CADM2: variants seen among roughly 807,000 people sequenced by gnomAD.
CADM2 encodes the protein immunoglobulin superfamily member 4D.
CADM2 carries 12 observed loss-of-function variants against 49.8 expected under a neutral mutation model. That is an observed-to-expected ratio of 0.24 (90% CI 0.15 to 0.39). The LOEUF (loss-of-function observed/expected upper bound fraction) is 0.39. CADM2 is among the 10% of genes least tolerant of loss of function. The pLI is 1.00. For missense variants in CADM2, 378 were observed against 492.3 expected, an observed-to-expected ratio of 0.77 and a Z score of 2.20; for synonymous variants, 214 against 175.4, an observed-to-expected ratio of 1.22 and a Z score of -1.74.
chr3:85,163,651 A>G (rs946236510), intron 1 of CADM2, among the ~76,000 whole-genome samples: 1 of 152,230 alleles, frequency 6.6e-6, no homozygotes, highest in East Asian at 1.9e-4. Context: ...GTGTTAAAAC[A>G]TAAAGACTAT....
intron 3 of CADM2, among the ~76,000 whole-genome samples, chr3:85,807,018 G>T (rs892216165): frequency 6.6e-6 from 1 of 152,160 alleles, no homozygotes; most frequent in African/African-American, 2.4e-5. Flanking sequence ...CTAATGTCTG[G>T]TAGTGAAGAA....
intron 1 of CADM2, among the ~76,000 whole-genome samples, chr3:85,075,071 G>GA (rs1042672221): frequency 7.2e-5 from 11 of 151,958 alleles, no homozygotes; most frequent in Non-Finnish European, 1.5e-4. Flanking sequence ...TAAAGGAGGG[G>GA]AAAAAAGAAC....
chr3:86,023,072 C>T (rs1036837990), intron 8 of CADM2, among the ~76,000 whole-genome samples: 2 of 152,130 alleles, frequency 1.3e-5, no homozygotes, highest in African/African-American at 4.8e-5. Flanking sequence ...TCATTTTACC[C>T]AGTCCCCCTT....
rs2064764807 is a variant in CADM2 at position 85,642,904 on chromosome 3, C to T, written c.62-83618C>T. Among the ~76,000 whole-genome samples, 3 of 152,282 alleles carry T rather than the reference C, an allele frequency of 2.0e-5. No individual in the cohort carries two copies. In the South Asian group the frequency reaches 6.2e-4, roughly 32 times the overall value. The stretch of plus-strand genomic sequence containing the variant: ...TTTTTCCCTGAAATTAAAACCAACT[C>T]ATCTGCCTCACATTCTTTTTCACAG... On this transcript the variant is annotated intron_variant, in intron 1 of 9. Coordinates refer to ENST00000383699, the MANE Select transcript of CADM2 (RefSeq NM_001167675.2).
chr3:85,075,841 G>A (rs368806447), intron 1 of CADM2, among the ~76,000 whole-genome samples: 8 of 152,090 alleles, frequency 5.3e-5, no homozygotes, highest in East Asian at 1.9e-4. Flanking sequence ...ATTAAAATTC[G>A]TTACATTCTT....
intron 1 of CADM2, among the ~76,000 whole-genome samples, chr3:85,040,024 A>T (rs1006092863): frequency 1.3e-4 from 20 of 152,202 alleles, no homozygotes; most frequent in Admixed American, 1.2e-3. Context: ...AGTTCATTGA[A>T]GGTAAAATTC....
intron 1 of CADM2, among the ~76,000 whole-genome samples, chr3:85,220,759 G>T (rs1393851974): frequency 6.6e-6 from 1 of 151,996 alleles, no homozygotes; most frequent in Admixed American, 6.6e-5. Flanking sequence ...TAGGAGAAAT[G>T]ATCAGGGTTA....
chr3:85,544,268 T>G (rs2061612130), intron 1 of CADM2, among the ~76,000 whole-genome samples: 1 of 152,136 alleles, frequency 6.6e-6, no homozygotes, highest in African/African-American at 2.4e-5. Context: ...CTAGCTTAAA[T>G]AAATTACAGA....
At chr3:85,658,471 G>A (rs144561047) in intron 1 of CADM2, among the ~76,000 whole-genome samples, 175 of 150,790 alleles carry the variant, frequency 1.2e-3, no homozygotes, top group African/African-American at 4.2e-3. Context: ...GGCAGCCCTA[G>A]CAAGCTAATA....
At chr3:85,288,687 A>G (rs544187056) in intron 1 of CADM2, among the ~76,000 whole-genome samples, 1 of 151,772 alleles carries the variant, frequency 6.6e-6, no homozygotes, top group Non-Finnish European at 1.5e-5. Context: ...TAAGATTCAG[A>G]TGCAAATTTG....
intron 1 of CADM2, among the ~76,000 whole-genome samples, chr3:85,065,143 AAAT>A (rs1306101639): frequency 6.6e-6 from 1 of 152,062 alleles, no homozygotes; most frequent in Non-Finnish European, 1.5e-5. Context: ...TCATGAAAAT[AAAT>A]AGGACAATCT....
intron 1 of CADM2, among the ~76,000 whole-genome samples, chr3:85,351,707 G>C (rs1559794815): frequency 6.6e-6 from 1 of 152,092 alleles, no homozygotes. Context: ...GGGAAAAATT[G>C]CTTGTAATGC....
chr3:85,782,089 G>T (rs1053889138), intron 2 of CADM2, among the ~76,000 whole-genome samples: 3 of 152,184 alleles, frequency 2.0e-5, no homozygotes, highest in Admixed American at 2.0e-4. Context: ...TTTTGGAGTT[G>T]ATTGAGTATA....
intron 1 of CADM2, among the ~76,000 whole-genome samples, chr3:85,140,481 A>G (rs1171832400): frequency 6.6e-6 from 1 of 152,184 alleles, no homozygotes; most frequent in Non-Finnish European, 1.5e-5. Context: ...CTTAGAATAA[A>G]TATTTAAAAC....
chr3:85,483,759 G>A (rs986176698), intron 1 of CADM2, among the ~76,000 whole-genome samples: 8 of 151,008 alleles, frequency 5.3e-5, no homozygotes, highest in Admixed American at 5.3e-4. Context: ...TGAATAAGGA[G>A]TAATATATTA....
intron 1 of CADM2, among the ~76,000 whole-genome samples, chr3:85,552,384 T>G (rs1315763149): frequency 7.0e-6 from 1 of 143,394 alleles, no homozygotes; most frequent in African/African-American, 2.7e-5. Flanking sequence ...TTTTTTTTTT[T>G]TTTTTTTTTT....
At chr3:85,966,369 T>C (rs7625313) in intron 8 of CADM2, among the ~76,000 whole-genome samples, 10,002 of 151,658 alleles carry the variant, frequency 0.066, 885 homozygotes, top group African/African-American at 0.2. Context: ...CCCTTTCCTT[T>C]TCAAATTTAT....
intron 1 of CADM2, among the ~76,000 whole-genome samples, chr3:85,332,061 G>A (rs1218989341): frequency 2.0e-5 from 3 of 151,912 alleles, no homozygotes; most frequent in Non-Finnish European, 4.4e-5. Context: ...AAATTATTAA[G>A]GGATCAATTG....
intron 1 of CADM2, among the ~76,000 whole-genome samples, chr3:85,381,970 T>C (rs561554045): frequency 1.3e-5 from 2 of 152,000 alleles, no homozygotes; most frequent in South Asian, 4.2e-4. Flanking sequence ...TGTAGCTATT[T>C]AAACTCACCA....
Sources: gnomAD v4.1 joint callset for allele counts (sites outside exome capture counted in the v4.1 genomes callset) on GRCh38, gnomAD v4.1.1 for gene constraint, MANE v1.5 for transcripts, NCBI Gene and HGNC (gene_info 2026-07-23, HGNC 2026-07-21) for gene names.